Variants in CFAP299 observed in about 807,000 individuals in gnomAD.
CFAP299 encodes the protein cilia and flagella associated protein 299, also known as cilia- and flagella-associated protein 299.
A neutral mutation model predicts 27.0 loss-of-function variants in CFAP299; 21 were observed. The ratio of observed to expected loss-of-function variants is 0.78; its 90% CI spans 0.55 to 1.12. The LOEUF is 1.12. Among genes scored for constraint, CFAP299 ranks in the 50% most tolerant of loss-of-function variants. The pLI is 0.00. For synonymous variants in CFAP299, 104 were observed against 98.1 expected (o/e 1.06, Z -0.36); for missense variants, 310 against 276.6 (o/e 1.12, Z -0.86).
At chr4:80,761,597 T>G (rs1725543063) in intron 3 of CFAP299, among the ~76,000 whole-genome samples, 1 of 152,018 alleles carries the variant, frequency 6.6e-6, no homozygotes, top group Non-Finnish European at 1.5e-5. Context: ...TTCAATAAAG[T>G]ATATGGCTGC....
intron 3 of CFAP299, among the ~76,000 whole-genome samples, chr4:80,644,999 GC>G (rs564309814): frequency 3.3e-5 from 5 of 151,864 alleles, no homozygotes; most frequent in South Asian, 4.2e-4. Context: ...TGATGCACCA[GC>G]CCCCCCTCAG....
intron 5 of CFAP299, among the ~76,000 whole-genome samples, chr4:80,948,348 C>T (rs1737580142): frequency 6.6e-6 from 1 of 152,046 alleles, no homozygotes; most frequent in Non-Finnish European, 1.5e-5. Context: ...AAAACAGGAC[C>T]ACTGGCTTTA....
At chr4:80,445,344 A>G (rs1009267719) in intron 2 of CFAP299, among the ~76,000 whole-genome samples, 2 of 152,256 alleles carry the variant, frequency 1.3e-5, no homozygotes, top group Non-Finnish European at 2.9e-5. Flanking sequence ...CTATGCAGCC[A>G]TAAAAAAGAA....
At chr4:80,655,805 T>C (rs1161211547) in intron 3 of CFAP299, among the ~76,000 whole-genome samples, 2 of 152,160 alleles carry the variant, frequency 1.3e-5, no homozygotes, top group African/African-American at 2.4e-5. Context: ...GGAGGAAAAC[T>C]GGGAAGCTGC....
Position 80,373,567 on chromosome 4 carries a change from A to G in CFAP299, c.242+10683A>G, listed in dbSNP as rs187515322. On this transcript the variant is annotated intron_variant, in intron 2 of 5. Transcript: ENST00000358105. ...ATCTTTAATTTCTAACTATGATACA[A>G]ATTGAGTTATTCCTTTATTGATTGC... 3.7e-3 allele frequency among the ~76,000 whole-genome samples: 559 copies of G among 152,240 alleles called. 3 individuals are homozygous for G. The highest frequency in any genetic ancestry group is 4.4e-3 in the Non-Finnish European group (300 of 68,010).
At chr4:80,495,867 G>A (rs1456571399) in intron 2 of CFAP299, among the ~76,000 whole-genome samples, 1 of 152,178 alleles carries the variant, frequency 6.6e-6, no homozygotes, top group African/African-American at 2.4e-5. Flanking sequence ...GCAGTGACCA[G>A]AGGTGTACCT....
At chr4:80,763,739 T>C (rs1048591215) in intron 3 of CFAP299, among the ~76,000 whole-genome samples, 1 of 152,134 alleles carries the variant, frequency 6.6e-6, no homozygotes, top group African/African-American at 2.4e-5. Context: ...AACAGCATGG[T>C]ACTGGTACCA....
chr4:80,940,048 G>A (rs1008683104), intron 4 of CFAP299, among the ~76,000 whole-genome samples: 13 of 152,122 alleles, frequency 8.5e-5, no homozygotes, highest in Non-Finnish European at 1.5e-5. Context: ...CACTCTCTGT[G>A]AGTATTTGCT....
chr4:80,961,944 A>C (rs985820507), intron 5 of CFAP299, among the ~76,000 whole-genome samples: 2 of 152,012 alleles, frequency 1.3e-5, no homozygotes, highest in African/African-American at 4.8e-5. Flanking sequence ...CACCAGTAGG[A>C]AATAATATAT....
chr4:80,782,273 G>C (rs1726923408), intron 3 of CFAP299, among the ~76,000 whole-genome samples: 1 of 151,690 alleles, frequency 6.6e-6, no homozygotes, highest in African/African-American at 2.4e-5. Context: ...AACAATATGA[G>C]AACAAAAATG....
chr4:80,450,623 A>G (rs1366928245), intron 2 of CFAP299, among the ~76,000 whole-genome samples: 1 of 152,108 alleles, frequency 6.6e-6, no homozygotes, highest in Non-Finnish European at 1.5e-5. Flanking sequence ...CAAGATTTAC[A>G]TGAAGAATTC....
Position 80,855,568 on chromosome 4 carries a change from C to A in CFAP299, c.334-14425C>A, listed in dbSNP as rs183909345. Among the ~76,000 whole-genome samples the A allele has an allele frequency of 3.8e-3, 583 of 152,254 alleles. 6 individuals carry two copies. The highest frequency in any genetic ancestry group is 0.013 in the African/African-American group (555 of 41,548). ...CTATCCCTCCCCTCTCCCCCCAACC[C>A]ACAACAGTCCCCAGAGTGTGATGTT... On this transcript the variant is annotated intron_variant, in intron 3 of 5. Coordinates refer to ENST00000358105, the MANE Select transcript of CFAP299 (RefSeq NM_152770.3).
chr4:80,519,628 T>C (rs1176603550), intron 2 of CFAP299, among the ~76,000 whole-genome samples: 3 of 151,964 alleles, frequency 2.0e-5, no homozygotes, highest in African/African-American at 4.8e-5. Context: ...AACAATGAGA[T>C]ACAGTTTAAT....
At chr4:80,957,931 T>C (rs767531038) in intron 5 of CFAP299, among the ~76,000 whole-genome samples, 2 of 152,186 alleles carry the variant, frequency 1.3e-5, no homozygotes, top group African/African-American at 4.8e-5. Context: ...TTTTACCATA[T>C]AGGTCACCTT....
the CFAP299 span, among the ~76,000 whole-genome samples, chr4:80,327,006 C>T: frequency 6.6e-6 from 1 of 151,884 alleles, no homozygotes; most frequent in Non-Finnish European, 1.5e-5. Flanking sequence ...GTTATTGATT[C>T]CTAGCATATA....
rs1247137988 is a variant in CFAP299 at position 80,335,788 on chromosome 4, T to G, written c.20T>G (p.Leu7Arg). The G allele has an allele frequency of 6.2e-7, 1 of 1,612,796 alleles. No individual in the cohort carries two copies. The highest frequency in any genetic ancestry group is 8.5e-7 in the Non-Finnish European group (1 of 1,178,794). Residue 7 changes from leucine to arginine, a missense_variant, in exon 1 of 6, where the codon CTG (leucine) becomes CGG (arginine). By Grantham distance (102) the Leu-to-Arg change is moderately radical. Transcript: ENST00000358105. ...ACCGCAATGGATCAGGAAGAGGGGC[T>G]GAAGGCCTTGGACAATATTGTCACT... MDQEEG[L>R]KALDNIVTQF... is the part of the protein sequence containing the mutation.
At chr4:80,557,573 G>T (rs564899742) in intron 2 of CFAP299, among the ~76,000 whole-genome samples, 76 of 152,036 alleles carry the variant, frequency 5.0e-4, no homozygotes, top group Middle Eastern at 3.2e-3. Flanking sequence ...AAGTAGTTAG[G>T]TTACTCATTG....
rs185201851 is a variant in CFAP299, at chr4:80,763,401, C to A, written c.334-106592C>A. Among the ~76,000 whole-genome samples the A allele has an allele frequency of 3.9e-3, 586 of 152,014 alleles. 1 individual carries two copies. The highest frequency in any genetic ancestry group is 0.013 in the African/African-American group (547 of 41,482). On this transcript the variant is annotated intron_variant, in intron 3 of 5. Transcript: ENST00000358105. ...ACCTAGAAACACAACTTAAAAGGGA[C>A]GTGAAGGACCTCTTCAAGGACAACT...
At chr4:80,587,059 A>G (rs1174561072) in intron 3 of CFAP299, among the ~76,000 whole-genome samples, 1 of 152,214 alleles carries the variant, frequency 6.6e-6, no homozygotes, top group Admixed American at 6.5e-5. Context: ...ATTGCGTTGT[A>G]TATGACCAAT....
Sources: allele counts gnomAD v4.1 joint callset (sites outside exome capture counted in the v4.1 genomes callset), GRCh38; gene constraint gnomAD v4.1.1; transcripts MANE v1.5; gene names NCBI Gene and HGNC (gene_info 2026-07-23, HGNC 2026-07-21).